Variants in C2CD3 observed in about 807,000 individuals in gnomAD.
C2CD3 encodes the protein C2 domain-containing protein 3.
Under a neutral mutation model 234.0 loss-of-function variants are expected in C2CD3, and 148 were observed. The ratio of observed to expected loss-of-function variants is 0.63; its 90% CI spans 0.55 to 0.72. C2CD3 has a LOEUF of 0.72. Ranked by LOEUF, C2CD3 falls within the 30% of genes least tolerant of loss-of-function variation. The pLI is 0.00. For synonymous variants in C2CD3, 1,000 were observed against 1,035.4 expected, an observed-to-expected ratio of 0.97 and a Z score of 0.66; for missense variants, 2,577 against 2,811.5, an observed-to-expected ratio of 0.92 and a Z score of 1.89.
intron 2 of C2CD3, 80 bp from the exon 3 acceptor site, chr11:74,161,636 G>A (rs933802202): frequency 1.1e-6 from 1 of 875,666 alleles, no homozygotes; most frequent in Non-Finnish European, 1.7e-6. Context: ...AGGGGTATAT[G>A]CGGAAAAGCT....
chr11:74,052,361 C>A (rs1207787017), intron 26 of C2CD3, among the ~76,000 whole-genome samples: 1 of 152,184 alleles, frequency 6.6e-6, no homozygotes, highest in African/African-American at 2.4e-5. Context: ...CTCACAAATT[C>A]TGCAAGGCCA....
At chr11:74,078,043 G>C in intron 23 of C2CD3, 72 bp downstream of exon 23, 1 of 1,493,048 alleles carries the variant, frequency 6.7e-7, no homozygotes, top group South Asian at 1.3e-5. Context: ...ATGTCTGACA[G>C]AGTGTCTCAC....
At chr11:74,084,058 G>T (rs1410748120) in intron 22 of C2CD3, among the ~76,000 whole-genome samples, 1 of 152,134 alleles carries the variant, frequency 6.6e-6, no homozygotes, top group African/African-American at 2.4e-5. Context: ...ATCCATCAAT[G>T]ACAGACTGGA....
chr11:74,163,016 G>T (rs929568030), intron 2 of C2CD3, among the ~76,000 whole-genome samples: 3 of 152,164 alleles, frequency 2.0e-5, no homozygotes, highest in Non-Finnish European at 4.4e-5. Flanking sequence ...ATACCTTCAT[G>T]CCCAGAGGAG....
Position 74,122,909 on chromosome 11 carries a change from T to C in C2CD3, c.1365+79A>G, listed in dbSNP as rs532877572. 2.2e-5 allele frequency: 14 copies of C among 647,680 alleles called. No homozygotes were observed. In the African/African-American group the frequency reaches 6.6e-4, roughly 30 times the overall value. The allele number at this position is 647,680 out of a possible 1,614,324, so 40.1% of individuals were successfully genotyped here. A position where few individuals can be genotyped will look rare whatever the true frequency, so the allele number is the denominator to read the frequency against. The stretch of plus-strand genomic sequence containing the variant: ...AGTAAGGTAAGTTATGTAAAATGCA[T>C]AGCTGTCATGCCTGCAGCTACTAAT... On this transcript the variant is annotated intron_variant, in intron 8 of 32. Transcript: ENST00000334126.
chr11:74,030,861 G>A (rs563543353), intron 31 of C2CD3, among the ~76,000 whole-genome samples: 6 of 152,236 alleles, frequency 3.9e-5, no homozygotes, highest in South Asian at 2.1e-4. Context: ...ATCACCTGCC[G>A]GGTAACTTGT....
chr11:74,064,629 A>C (rs150183707), intron 24 of C2CD3, among the ~76,000 whole-genome samples: 2,678 of 152,346 alleles, frequency 0.018, 77 homozygotes, highest in African/African-American at 0.061. Flanking sequence ...TCCTACGCCA[A>C]AAGAACAAAG....
intron 27 of C2CD3, 98 bp from the exon 28 acceptor site, chr11:74,048,436 T>A: frequency 8.3e-7 from 1 of 1,211,124 alleles, no homozygotes; most frequent in Non-Finnish European, 1.2e-6. Flanking sequence ...TGTGTGCATT[T>A]AATTTACTGA....
intron 16 of C2CD3, among the ~76,000 whole-genome samples, chr11:74,096,885 T>C (rs55823944): frequency 0.23 from 34,222 of 151,922 alleles, 4,123 homozygotes; most frequent in African/African-American, 0.3. Flanking sequence ...TGGTTCATGC[T>C]TGTAATCCCA....
At chr11:74,120,148 T>C (rs932094616) in intron 8 of C2CD3, among the ~76,000 whole-genome samples, 7 of 152,044 alleles carry the variant, frequency 4.6e-5, no homozygotes, top group African/African-American at 1.5e-4. Flanking sequence ...TTAATTATAC[T>C]TTAAGTTCTA....
At chr11:74,109,231 G>T (rs2135503985) in intron 11 of C2CD3, 79 bp from the exon 12 acceptor site, 2 of 701,202 alleles carry the variant, frequency 2.9e-6, no homozygotes, top group Non-Finnish European at 4.8e-6. Context: ...GATACCACCT[G>T]CCTCCCTTTC....
intron 24 of C2CD3, among the ~76,000 whole-genome samples, chr11:74,070,262 A>C (rs1954734138): frequency 6.6e-6 from 1 of 152,224 alleles, no homozygotes; most frequent in African/African-American, 2.4e-5. Flanking sequence ...TTATTTTCAG[A>C]ACCAGGACTA....
In C2CD3 at chr11:74,057,501, A is replaced by G; in HGVS notation, c.4995T>C (p.Cys1665=). ...TERKVSIPSC[C]VSFATADESS... ...ACTCATCGGCTGTTGCAAAGGATAC[A>G]CAACAACTGGGTATCGATACTTTCC... Residue 1665 remains cysteine (C), a synonymous_variant, in exon 25 of 33, where the codon TGT becomes TGC. Coordinates refer to ENST00000334126, the MANE Select transcript of C2CD3 (RefSeq NM_001286577.2). 2.5e-6 allele frequency: 4 copies of G among 1,613,916 alleles called. No homozygotes were observed. The East Asian group carries it at 6.7e-5, about 27-fold the overall frequency.
At chr11:74,036,319 G>T (rs1251363078) in intron 30 of C2CD3, 1 of 379,614 alleles carries the variant, frequency 2.6e-6, no homozygotes, top group East Asian at 7.2e-5. Context: ...CTTGATGAAG[G>T]GAGATAATGC....
At position 74,166,033 on chromosome 11, in the gene C2CD3, G is replaced by A. The variant is rs188593369; in HGVS notation, c.325+2311C>T. 3.2e-3 allele frequency among the ~76,000 whole-genome samples: 487 copies of A among 152,046 alleles called. 6 individuals are homozygous for A. The highest frequency in any genetic ancestry group is 0.011 in the African/African-American group (464 of 41,498). On this transcript the variant is annotated intron_variant, in intron 2 of 32. Coordinates refer to ENST00000334126, the MANE Select transcript of C2CD3 (RefSeq NM_001286577.2). ...TTCTAAAAAACACATCATGTCGGCC[G>A]GGTGCGGTGGCTCACACCTGTAATC...
At chr11:74,081,635 T>C (rs1362323494) in intron 22 of C2CD3, among the ~76,000 whole-genome samples, 1 of 152,222 alleles carries the variant, frequency 6.6e-6, no homozygotes, top group Non-Finnish European at 1.5e-5. Flanking sequence ...ACCATCATCA[T>C]CATCATCATC....
intron 3 of C2CD3, among the ~76,000 whole-genome samples, chr11:74,158,142 A>G (rs1374314548): frequency 1.3e-5 from 2 of 152,198 alleles, no homozygotes; most frequent in African/African-American, 4.8e-5. Flanking sequence ...TTTTTGGGTA[A>G]GACCTCAAAA....
intron 24 of C2CD3, among the ~76,000 whole-genome samples, chr11:74,065,381 TAG>T: frequency 6.6e-6 from 1 of 152,108 alleles, no homozygotes; most frequent in South Asian, 2.1e-4. Flanking sequence ...TCACACCAGT[TAG>T]AATGGCGATC....
At chr11:74,069,780 A>G (rs756100011) in intron 24 of C2CD3, among the ~76,000 whole-genome samples, 3 of 152,172 alleles carry the variant, frequency 2.0e-5, no homozygotes, top group Non-Finnish European at 4.4e-5. Flanking sequence ...GAATGGATGG[A>G]AACTTCCCCC....
Sources: gnomAD v4.1 joint callset for allele counts (sites outside exome capture counted in the v4.1 genomes callset) on GRCh38, gnomAD v4.1.1 for gene constraint, MANE v1.5 for transcripts, NCBI Gene and HGNC (gene_info 2026-07-23, HGNC 2026-07-21) for gene names.